The following LPP variants were observed in gnomAD, a reference collection of about 807,000 sequenced individuals.
The protein encoded by LPP is lipoma-preferred partner.
In LPP, 38 loss-of-function variants were observed where a neutral mutation model predicts 60.4. The ratio of observed to expected loss-of-function variants is 0.63; its 90% CI spans 0.49 to 0.83. The LOEUF (loss-of-function observed/expected upper bound fraction) is 0.83. LPP is among the 40% of genes least tolerant of loss of function. The pLI, the probability that LPP is intolerant of heterozygous loss-of-function variation, is 0.00. For synonymous variants in LPP, 328 were observed against 290.8 expected, an observed-to-expected ratio of 1.13 and a Z score of -1.30; for missense variants, 902 against 783.6, an observed-to-expected ratio of 1.15 and a Z score of -1.80.
intron 6 of LPP, among the ~76,000 whole-genome samples, chr3:188,578,945 C>T (rs1297468167): frequency 6.6e-6 from 1 of 152,150 alleles, no homozygotes; most frequent in Non-Finnish European, 1.5e-5. Flanking sequence ...AATCCTGTCT[C>T]AGTTCCAGCC....
intron 7 of LPP, among the ~76,000 whole-genome samples, chr3:188,646,939 G>A (rs995095514): frequency 2.0e-4 from 30 of 152,232 alleles, no homozygotes; most frequent in Non-Finnish European, 2.5e-4. Context: ...TAGCTAGGTT[G>A]CTTCCCCTGC....
chr3:188,558,136 A>G (rs914121775), intron 6 of LPP, among the ~76,000 whole-genome samples: 2 of 152,130 alleles, frequency 1.3e-5, no homozygotes, highest in Non-Finnish European at 2.9e-5. Flanking sequence ...TACAGAAACA[A>G]GAGTGTTTCT....
At chr3:188,202,634 G>T (rs561422892) in intron 1 of LPP, among the ~76,000 whole-genome samples, 4 of 152,352 alleles carry the variant, frequency 2.6e-5, no homozygotes, top group Non-Finnish European at 5.9e-5. Flanking sequence ...TCTGCCTGGG[G>T]ATGGCAGCCG....
intron 7 of LPP, among the ~76,000 whole-genome samples, chr3:188,639,815 G>C (rs1849669409): frequency 6.6e-6 from 1 of 152,200 alleles, no homozygotes. Flanking sequence ...AAACTACAAT[G>C]AGATACCATC....
intron 7 of LPP, among the ~76,000 whole-genome samples, chr3:188,653,110 T>C (rs993034780): frequency 6.6e-6 from 1 of 152,206 alleles, no homozygotes; most frequent in Non-Finnish European, 1.5e-5. Context: ...ACATGTTCTT[T>C]TAGCAAAAAA....
intron 8 of LPP, among the ~76,000 whole-genome samples, chr3:188,730,892 T>A (rs1720211441): frequency 6.6e-6 from 1 of 152,238 alleles, no homozygotes; most frequent in South Asian, 2.1e-4. Flanking sequence ...CCTCAAAGCC[T>A]GTAACATAGC....
At chr3:188,164,367 G>C (rs1324557526) in intron 1 of LPP, among the ~76,000 whole-genome samples, 1 of 152,202 alleles carries the variant, frequency 6.6e-6, no homozygotes, top group African/African-American at 2.4e-5. Context: ...GAAGCCTAAT[G>C]CTCTACTAAA....
chr3:188,425,316 G>A (rs1294471679), intron 4 of LPP, among the ~76,000 whole-genome samples: 2 of 152,148 alleles, frequency 1.3e-5, no homozygotes, highest in African/African-American at 2.4e-5. Flanking sequence ...TAGTGGATAA[G>A]CTTTTTGATG....
At position 188,352,401 on chromosome 3, in the gene LPP, A is replaced by T. The variant is rs2150819244; in HGVS notation, c.-10+10682A>T. Among the ~76,000 whole-genome samples the T allele has an allele frequency of 6.6e-6, 1 of 152,192 alleles. No homozygotes were observed. The highest frequency in any genetic ancestry group is 1.5e-5 in the Non-Finnish European group (1 of 68,024). On this transcript the variant is annotated intron_variant, in intron 3 of 11. Coordinates refer to ENST00000617246, the MANE Select transcript of LPP (RefSeq NM_001375462.1). This position sits in a 1 kb window ranked among gnomAD's most constrained non-coding sequence, Gnocchi z 4.4. Reference sequence around the variant, plus strand: ...CTCTGTTTAGATCAGCTATTTTCTGAAGGAGTCGCTGACCTTCCCCACAAT... The same window carrying T: ...CTCTGTTTAGATCAGCTATTTTCTGTAGGAGTCGCTGACCTTCCCCACAAT...
chr3:188,890,151 A>G lies in LPP; in HGVS notation c.*15672A>G. On this transcript the variant is annotated 3_prime_UTR_variant, in exon 12 of 12. Transcript: ENST00000617246. ...GATGGTGAGAAGCCGGGTTTTCTCT[A>G]TGCTAAATGTGTCTACTAAGAGCAG... The G allele has an allele frequency of 9.2e-6, 2 of 217,606 alleles. No homozygotes were observed. The highest frequency in any genetic ancestry group is 9.2e-6 in the Non-Finnish European group (1 of 108,222). 13.5% of individuals were successfully genotyped at this position (217,606 alleles called of 1,614,324 possible). A position where few individuals can be genotyped will look rare whatever the true frequency, so the allele number is the denominator to read the frequency against.
At position 188,406,189 on chromosome 3, in the gene LPP, G is replaced by A; in HGVS notation, c.69G>A (p.Met23Ile). Residue 23 changes from methionine to isoleucine, a missense_variant, in exon 4 of 12, where the codon ATG (methionine) becomes ATA (isoleucine). Met to Ile is a conservative substitution (Grantham distance 10). Coordinates refer to ENST00000617246, the MANE Select transcript of LPP (RefSeq NM_001375462.1). ...GEPLGHVPAR[M>I]ETTHSFGNPS... ...CCCTCGGCCATGTGCCTGCACGGATGGAGACCACCCATTCCTTTGGGAACC... is the reference window on the plus strand; with the variant it reads ...CCCTCGGCCATGTGCCTGCACGGATAGAGACCACCCATTCCTTTGGGAACC... 1 of 1,614,162 alleles carries A rather than the reference G, an allele frequency of 6.2e-7. No individual in the cohort carries two copies. Among genetic ancestry groups the A allele is most frequent in the Non-Finnish European group, 8.5e-7 (1 of 1,179,998 alleles).
chr3:188,347,902 G>C (rs1560279295), intron 3 of LPP, among the ~76,000 whole-genome samples: 1 of 152,212 alleles, frequency 6.6e-6, no homozygotes, highest in South Asian at 2.1e-4. Context: ...TCACACAGCA[G>C]GTTAATGGCT....
chr3:188,513,468 G>T (rs1449876441), intron 5 of LPP, among the ~76,000 whole-genome samples: 4 of 151,808 alleles, frequency 2.6e-5, no homozygotes, highest in Non-Finnish European at 4.4e-5. Context: ...TAAAAAGGGG[G>T]TGCCAAATAT....
chr3:188,194,511 G>A (rs774224387), intron 1 of LPP, among the ~76,000 whole-genome samples: 1 of 152,172 alleles, frequency 6.6e-6, no homozygotes, highest in Non-Finnish European at 1.5e-5. Flanking sequence ...TTGGAGGCAA[G>A]CTCTATCCAG....
intron 8 of LPP, among the ~76,000 whole-genome samples, chr3:188,740,511 A>G (rs1268937686): frequency 1.3e-5 from 2 of 152,088 alleles, no homozygotes; most frequent in Non-Finnish European, 2.9e-5. Flanking sequence ...GAAAAATTAC[A>G]TTAACTTATT....
intron 4 of LPP, among the ~76,000 whole-genome samples, chr3:188,454,726 A>G (rs554165347): frequency 4.0e-4 from 61 of 152,302 alleles, no homozygotes; most frequent in South Asian, 1.9e-3. Flanking sequence ...AGGAGGAAGC[A>G]AAAGCGGGAA....
chr3:188,271,507 G>A (rs1241941369), intron 2 of LPP, among the ~76,000 whole-genome samples: 1 of 152,188 alleles, frequency 6.6e-6, no homozygotes, highest in Non-Finnish European at 1.5e-5. Flanking sequence ...AATCGGATGA[G>A]ACACTTTGCT....
intron 2 of LPP, among the ~76,000 whole-genome samples, chr3:188,250,582 T>C (rs1728764920): frequency 6.6e-6 from 1 of 152,208 alleles, no homozygotes; most frequent in Admixed American, 6.5e-5. Flanking sequence ...CTATGATTGG[T>C]GCAAAATTAG....
intron 1 of LPP, among the ~76,000 whole-genome samples, chr3:188,203,454 TATAA>T (rs1446727966): frequency 1.1e-5 from 1 of 93,858 alleles, no homozygotes; most frequent in African/African-American, 4.4e-5. Context: ...TATAAATATA[TATAA>T]ATATATATAT....
Sources: gnomAD v4.1 joint callset for allele counts (sites outside exome capture counted in the v4.1 genomes callset) on GRCh38, gnomAD v4.1.1 for gene constraint, Gnocchi (gnomAD v3.1) non-coding constraint, MANE v1.5 for transcripts, NCBI Gene and HGNC (gene_info 2026-07-23, HGNC 2026-07-21) for gene names.